The following DEPTOR variants were observed in gnomAD, a reference collection of about 807,000 sequenced individuals.
The protein encoded by DEPTOR is DEP domain containing MTOR interacting protein, also known as DEP domain-containing mTOR-interacting protein.
Under a neutral mutation model 41.6 loss-of-function variants are expected in DEPTOR, and 41 were observed. That is an observed-to-expected ratio of 0.98 (90% CI 0.77 to 1.28). The LOEUF (loss-of-function observed/expected upper bound fraction) is 1.28, where lower values mean the gene tolerates loss of function less well. Among genes scored for constraint, DEPTOR ranks in the 50% most tolerant of loss-of-function variants. The pLI is 0.00. For missense variants in DEPTOR, 514 were observed against 527.9 expected, an observed-to-expected ratio of 0.97 and a Z score of 0.26; for synonymous variants, 195 against 192.3, an observed-to-expected ratio of 1.01 and a Z score of -0.12.
At chr8:119,901,675 C>CAA (rs36026315) in intron 1 of DEPTOR, among the ~76,000 whole-genome samples, 8 of 88,274 alleles carry the variant, frequency 9.1e-5, no homozygotes, top group African/African-American at 1.8e-4. Context: ...GACTCTGTCT[C>CAA]AAAAAAAAAA....
intron 8 of DEPTOR, among the ~76,000 whole-genome samples, chr8:120,026,479 A>G (rs564113621): frequency 5.9e-5 from 9 of 151,950 alleles, no homozygotes; most frequent in African/African-American, 2.2e-4. Context: ...AGTAGCTGAG[A>G]TTACAGGTAT....
At chr8:119,925,521 C>T (rs1827952577) in intron 1 of DEPTOR, among the ~76,000 whole-genome samples, 1 of 152,184 alleles carries the variant, frequency 6.6e-6, no homozygotes, top group Non-Finnish European at 1.5e-5. Context: ...TCAATTATCT[C>T]CACCTGGCCC....
chr8:119,928,373 C>G (rs200438859), intron 1 of DEPTOR, 27 bp from the exon 2 acceptor site: 14 of 1,601,604 alleles, frequency 8.7e-6, no homozygotes, highest in Non-Finnish European at 1.7e-6. Context: ...TCAGAATTTC[C>G]AAAGTAATTG....
At chr8:120,028,851 G>A (rs1301403775) in intron 8 of DEPTOR, among the ~76,000 whole-genome samples, 5 of 151,792 alleles carry the variant, frequency 3.3e-5, no homozygotes, top group African/African-American at 7.3e-5. Context: ...TTGGGAGGCC[G>A]AGGCAGGAGG....
intron 1 of DEPTOR, among the ~76,000 whole-genome samples, chr8:119,895,908 A>G (rs1364446719): frequency 1.3e-5 from 2 of 152,184 alleles, no homozygotes; most frequent in African/African-American, 4.8e-5. Context: ...ACCTTATCTT[A>G]TTAGATAAGG....
At chr8:120,006,010 G>A (rs1331724917) in intron 6 of DEPTOR, among the ~76,000 whole-genome samples, 4 of 152,048 alleles carry the variant, frequency 2.6e-5, no homozygotes, top group South Asian at 4.1e-4. Context: ...CCACCCATTC[G>A]CTCTGGGACC....
chr8:119,881,601 T>A (rs758224131), intron 1 of DEPTOR, among the ~76,000 whole-genome samples: 1 of 151,388 alleles, frequency 6.6e-6, no homozygotes, highest in African/African-American at 2.4e-5. Flanking sequence ...GAATATGAGA[T>A]AAGGAATTTA....
chr8:120,013,840 C>CT (rs35599330), intron 8 of DEPTOR, among the ~76,000 whole-genome samples: 2,699 of 129,848 alleles, frequency 0.021, 89 homozygotes, highest in African/African-American at 0.069. Flanking sequence ...GCTATGACTA[C>CT]TTTTTTTTTT....
intron 1 of DEPTOR, among the ~76,000 whole-genome samples, chr8:119,903,744 C>T (rs1827624942): frequency 6.6e-6 from 1 of 152,170 alleles, no homozygotes; most frequent in African/African-American, 2.4e-5. Flanking sequence ...CTGAGCAGGA[C>T]ATGAGGCTTA....
At chr8:119,940,977 G>A (rs1251796795) in intron 3 of DEPTOR, among the ~76,000 whole-genome samples, 1 of 152,088 alleles carries the variant, frequency 6.6e-6, no homozygotes, top group Non-Finnish European at 1.5e-5. Flanking sequence ...ATTGTTTAAT[G>A]GGTTTAAAGG....
At chr8:119,938,830 T>A (rs547705709) in intron 3 of DEPTOR, among the ~76,000 whole-genome samples, 42 of 151,862 alleles carry the variant, frequency 2.8e-4, no homozygotes, top group African/African-American at 8.9e-4. Flanking sequence ...CCTTCCTTCT[T>A]TCCTTCCTTC....
intron 4 of DEPTOR, among the ~76,000 whole-genome samples, chr8:119,982,481 AAT>A (rs1828781013): frequency 6.6e-6 from 1 of 152,230 alleles, no homozygotes; most frequent in African/African-American, 2.4e-5. Flanking sequence ...TTTAGCAACA[AAT>A]AACAGAAAGT....
intron 3 of DEPTOR, among the ~76,000 whole-genome samples, chr8:119,949,378 G>C (rs1245866895): frequency 6.6e-6 from 1 of 152,046 alleles, no homozygotes; most frequent in Non-Finnish European, 1.5e-5. Flanking sequence ...ATTTCTCTTG[G>C]GCACATACCT....
chr8:119,903,649 C>T (rs59865322), intron 1 of DEPTOR, among the ~76,000 whole-genome samples: 32,923 of 152,054 alleles, frequency 0.22, 4,105 homozygotes, highest in African/African-American at 0.32. Context: ...TCTCCTATTT[C>T]GTCATGTCAA....
intron 3 of DEPTOR, among the ~76,000 whole-genome samples, chr8:119,948,016 G>T (rs1040260073): frequency 6.6e-6 from 1 of 151,988 alleles, no homozygotes; most frequent in Non-Finnish European, 1.5e-5. Flanking sequence ...TCACCATCTC[G>T]AAGGACCAAC....
In DEPTOR at chr8:119,894,484, C is replaced by T. The variant is rs193052377; in HGVS notation, c.122+20516C>T. Among the ~76,000 whole-genome samples the T allele has an allele frequency of 7.9e-3, 1,196 of 151,956 alleles. 6 individuals are homozygous for T. The highest frequency in any genetic ancestry group is 0.012 in the Non-Finnish European group (837 of 67,978). ...CAATCTTGGCTCACTGCAAGCTCCGCCTCCTGGGTTCACGGCATTCTCCTG... is the reference window on the plus strand; with the variant it reads ...CAATCTTGGCTCACTGCAAGCTCCGTCTCCTGGGTTCACGGCATTCTCCTG... On this transcript the variant is annotated intron_variant, in intron 1 of 8. Transcript: ENST00000286234.
chr8:119,991,096 CTTTCTTTCTTTCTTTCTTTCT>C (rs1563584712), intron 4 of DEPTOR, among the ~76,000 whole-genome samples: 2 of 80,926 alleles, frequency 2.5e-5, no homozygotes, highest in African/African-American at 4.9e-5. Flanking sequence ...CTTTTTCTTT[CTTTCTTTCTTTCTTTCTTTCT>C]TTTTTTTTTA....
chr8:120,025,641 C>T (rs1415903354), intron 8 of DEPTOR, among the ~76,000 whole-genome samples: 1 of 152,166 alleles, frequency 6.6e-6, no homozygotes, highest in Non-Finnish European at 1.5e-5. Flanking sequence ...GTCATGCTTG[C>T]TTTTCTCTTT....
In DEPTOR at chr8:119,924,522, TCTC is replaced by T. The variant is rs1367868589; in HGVS notation, c.123-3875_123-3873del. Among the ~76,000 whole-genome samples, 4 of 152,282 alleles carry T rather than the reference TCTC, an allele frequency of 2.6e-5. No individual in the cohort carries two copies. The East Asian group carries it at 7.7e-4, about 29-fold the overall frequency. On this transcript the variant is annotated intron_variant, in intron 1 of 8. Coordinates refer to ENST00000286234, the MANE Select transcript of DEPTOR (RefSeq NM_022783.4). ...CTTGCCTTACCTTGCCACTCTAAAA[TCTC>T]CTGCTTATTTTTTTGGCTGCTACTT...
Sources: allele counts gnomAD v4.1 joint callset (sites outside exome capture counted in the v4.1 genomes callset), GRCh38; gene constraint gnomAD v4.1.1; transcripts MANE v1.5; gene names NCBI Gene and HGNC (gene_info 2026-07-23, HGNC 2026-07-21).